The following LYPD6B variants were observed in gnomAD, a reference collection of about 807,000 sequenced individuals.
The protein encoded by LYPD6B is LY6/PLAUR domain containing 6B.
A neutral mutation model predicts 22.8 loss-of-function variants in LYPD6B; 17 were observed. The ratio of observed to expected loss-of-function variants is 0.75; its 90% confidence interval spans 0.51 to 1.12. The LOEUF is 1.12. LYPD6B is among the 50% of genes most tolerant of loss of function. The pLI is 0.00. For missense variants in LYPD6B, 221 were observed against 258.3 expected, an observed-to-expected ratio of 0.86 and a Z score of 0.99; for synonymous variants, 106 against 91.6, an observed-to-expected ratio of 1.16 and a Z score of -0.90.
At position 149,102,452 on chromosome 2, in the gene LYPD6B, A is replaced by G. The variant is rs116691811; in HGVS notation, c.-66-28431A>G. 7.2e-3 allele frequency among the ~76,000 whole-genome samples: 1,091 copies of G among 152,296 alleles called. 7 individuals carry two copies. Among genetic ancestry groups the G allele is most frequent in the Non-Finnish European group, 0.011 (740 of 68,024 alleles). Reference sequence around the variant, plus strand: ...TTGGAGGGATTTGGGGTTCAGATGCACAAATATGCCTGTGTGTCTGTTGTT... The same window carrying G: ...TTGGAGGGATTTGGGGTTCAGATGCGCAAATATGCCTGTGTGTCTGTTGTT... On this transcript the variant is annotated intron_variant, in intron 1 of 6. Coordinates refer to ENST00000409642, the MANE Select transcript of LYPD6B (RefSeq NM_177964.5).
In LYPD6B at chr2:149,061,300, G is replaced by A. The variant is rs369870628; in HGVS notation, c.-67+22499G>A. Among the ~76,000 whole-genome samples, 7 of 151,914 alleles carry A rather than the reference G, an allele frequency of 4.6e-5. No homozygotes were observed. The East Asian group carries it at 1.2e-3, about 25-fold the overall frequency. ...CAGCCTTGACCTCCTGGGCTCCAGCGATCCTTGCAGTGCATTCTTGAACAT... is the reference window on the plus strand; with the variant it reads ...CAGCCTTGACCTCCTGGGCTCCAGCAATCCTTGCAGTGCATTCTTGAACAT... On this transcript the variant is annotated intron_variant, in intron 1 of 6. Coordinates refer to ENST00000409642, the MANE Select transcript of LYPD6B (RefSeq NM_177964.5).
chr2:149,210,490 C>T (rs1693778197), intron 5 of LYPD6B, among the ~76,000 whole-genome samples: 1 of 152,180 alleles, frequency 6.6e-6, no homozygotes, highest in Non-Finnish European at 1.5e-5. Context: ...GGTGTAACTT[C>T]TTACTTTTCA....
chr2:149,148,165 A>G (rs1221105515), intron 2 of LYPD6B, among the ~76,000 whole-genome samples: 1 of 152,220 alleles, frequency 6.6e-6, no homozygotes. Context: ...GAGCAGCTGC[A>G]TGTGAAAATT....
chr2:149,183,348 C>G (rs555911424), intron 3 of LYPD6B, among the ~76,000 whole-genome samples: 1 of 152,160 alleles, frequency 6.6e-6, no homozygotes, highest in Non-Finnish European at 1.5e-5. Flanking sequence ...TACTGCAAAC[C>G]TAAGCACTTG....
In LYPD6B at chr2:149,142,870, G is replaced by A. The variant is rs980875554; in HGVS notation, c.5+11917G>A. Among the ~76,000 whole-genome samples, 10 of 152,000 alleles carry A rather than the reference G, an allele frequency of 6.6e-5. No homozygotes were observed. In the South Asian group the frequency reaches 1.2e-3, roughly 19 times the overall value. ...CCTTCTTCACCTGATTACAAGCTAC[G>A]TATCTTAATTGTATTCTTTAGGGAG... On this transcript the variant is annotated intron_variant, in intron 2 of 6. Coordinates refer to ENST00000409642, the MANE Select transcript of LYPD6B (RefSeq NM_177964.5).
chr2:149,106,589 C>G (rs1202758355), intron 1 of LYPD6B, among the ~76,000 whole-genome samples: 1 of 152,138 alleles, frequency 6.6e-6, no homozygotes, highest in Non-Finnish European at 1.5e-5. Context: ...TCCCTTACTG[C>G]ATTTCTAATA....
At chr2:149,186,821 A>G (rs1024301951) in intron 3 of LYPD6B, among the ~76,000 whole-genome samples, 1 of 152,202 alleles carries the variant, frequency 6.6e-6, no homozygotes, top group African/African-American at 2.4e-5. Flanking sequence ...AAAATGTTCT[A>G]TGGGTAAAAT....
At chr2:149,103,189 T>A (rs557924717) in intron 1 of LYPD6B, among the ~76,000 whole-genome samples, 1 of 152,158 alleles carries the variant, frequency 6.6e-6, no homozygotes, top group African/African-American at 2.4e-5. Flanking sequence ...CATTCAGCAG[T>A]TGGCACAAAC....
intron 3 of LYPD6B, among the ~76,000 whole-genome samples, chr2:149,173,086 CT>C (rs949534940): frequency 5.9e-5 from 9 of 151,390 alleles, no homozygotes; most frequent in African/African-American, 2.2e-4. Flanking sequence ...CTGGAAAAAC[CT>C]GACTAATACA....
chr2:149,098,074 T>C (rs1394450229), intron 1 of LYPD6B, among the ~76,000 whole-genome samples: 1 of 152,192 alleles, frequency 6.6e-6, no homozygotes, highest in African/African-American at 2.4e-5. Flanking sequence ...GTTATAACTT[T>C]GTCTTTTGTT....
intron 3 of LYPD6B, among the ~76,000 whole-genome samples, chr2:149,200,880 C>G (rs1693106207): frequency 6.6e-6 from 1 of 152,132 alleles, no homozygotes; most frequent in Non-Finnish European, 1.5e-5. Flanking sequence ...ACTCTGCATT[C>G]TGGAGCAAGT....
intron 1 of LYPD6B, among the ~76,000 whole-genome samples, chr2:149,061,348 C>T (rs753949133): frequency 7.2e-5 from 11 of 152,068 alleles, no homozygotes; most frequent in Non-Finnish European, 1.6e-4. Context: ...ATGTAAATTG[C>T]TATAAGACTT....
Position 149,137,112 on chromosome 2 carries a change from A to G in LYPD6B, c.5+6159A>G, listed in dbSNP as rs181656871. Among the ~76,000 whole-genome samples, 148 of 152,276 alleles carry G rather than the reference A, an allele frequency of 9.7e-4. 2 individuals carry two copies. The highest frequency in any genetic ancestry group is 6.9e-3 in the Admixed American group (105 of 15,296). On this transcript the variant is annotated intron_variant, in intron 2 of 6. Transcript: ENST00000409642. The stretch of plus-strand genomic sequence containing the variant: ...AGCAGACATTTATTGAGCATCTGCT[A>G]TTTTCTAGGCATTGTGTAAAGGACT...
chr2:149,161,306 A>G (rs902535433), intron 3 of LYPD6B: 1 of 161,716 alleles, frequency 6.2e-6, no homozygotes, highest in South Asian at 1.7e-4. Context: ...TAAGCCTTAG[A>G]AAATATTTAC....
At chr2:149,045,863 G>C (rs1683282287) in intron 1 of LYPD6B, among the ~76,000 whole-genome samples, 1 of 152,052 alleles carries the variant, frequency 6.6e-6, no homozygotes, top group African/African-American at 2.4e-5. Flanking sequence ...TGTGTATTCT[G>C]CTATTGATGG....
At chr2:149,091,050 T>C (rs1685626785) in intron 1 of LYPD6B, among the ~76,000 whole-genome samples, 1 of 152,178 alleles carries the variant, frequency 6.6e-6, no homozygotes, top group African/African-American at 2.4e-5. Context: ...CAGACTAAAG[T>C]AGGTCTCACT....
intron 2 of LYPD6B, among the ~76,000 whole-genome samples, chr2:149,145,308 C>T (rs1203388375): frequency 6.6e-6 from 1 of 152,160 alleles, no homozygotes; most frequent in Admixed American, 6.5e-5. Context: ...TTGGACGATA[C>T]ATGCAGTTGC....
chr2:149,107,747 G>C (rs901833802), intron 1 of LYPD6B, among the ~76,000 whole-genome samples: 12 of 152,086 alleles, frequency 7.9e-5, no homozygotes, highest in African/African-American at 2.9e-4. Context: ...TCTATGACTT[G>C]AATGTTTTAA....
rs75026089 is a variant in LYPD6B, at chr2:149,213,756, T to C, written c.459+634T>C. Reference sequence around the variant, plus strand: ...GGGTAGCTTTTACAAGCTCTGCTTGTTGTTGAGGGATGCAGGCCGGCAGGC... The same window carrying C: ...GGGTAGCTTTTACAAGCTCTGCTTGCTGTTGAGGGATGCAGGCCGGCAGGC... On this transcript the variant is annotated intron_variant, in intron 6 of 6. Transcript: ENST00000409642. Among the ~76,000 whole-genome samples, 18 of 152,278 alleles carry C rather than the reference T, an allele frequency of 1.2e-4. No individual in the cohort carries two copies. In the East Asian group the frequency reaches 2.7e-3, roughly 23 times the overall value.
Sources: gnomAD v4.1 joint callset for allele counts (sites outside exome capture counted in the v4.1 genomes callset) on GRCh38, gnomAD v4.1.1 for gene constraint, MANE v1.5 for transcripts, NCBI Gene and HGNC (gene_info 2026-07-23, HGNC 2026-07-21) for gene names.